KCNMA1: variants seen among roughly 807,000 people sequenced by gnomAD.
KCNMA1 encodes the protein potassium calcium-activated channel subfamily M alpha 1, also known as Calcium-activated potassium channel subunit alpha-1.
Under a neutral mutation model 140.0 loss-of-function variants are expected in KCNMA1, and 29 were observed. The observed-to-expected ratio is 0.21, with a 90% CI of 0.15 to 0.28. The LOEUF (loss-of-function observed/expected upper bound fraction) is 0.28, where lower values mean the gene tolerates loss of function less well. KCNMA1 is among the 10% of genes least tolerant of loss of function. KCNMA1 has a pLI of 1.00. For synonymous variants in KCNMA1, 612 were observed against 611.9 expected (o/e 1.00, Z 0.00); for missense variants, 880 against 1,602.2 (o/e 0.55, Z 7.70).
chr10:77,618,597 G>A lies in KCNMA1; in HGVS notation c.378+18668C>T, dbSNP rs539679532. Among the ~76,000 whole-genome samples, 13 of 152,284 alleles carry A rather than the reference G, an allele frequency of 8.5e-5. No homozygotes were observed. In the East Asian group the frequency reaches 1.7e-3, roughly 20 times the overall value. On this transcript the variant is annotated intron_variant, in intron 1 of 27. Coordinates refer to ENST00000286628, the MANE Select transcript of KCNMA1 (RefSeq NM_001161352.2). ...GTGCTCATAGCTACTGGTTCTTCAGGAGAACAGGAAAGAGCATGGTCTCAA... is the reference window on the plus strand; with the variant it reads ...GTGCTCATAGCTACTGGTTCTTCAGAAGAACAGGAAAGAGCATGGTCTCAA...
chr10:77,534,262 T>C (rs190319915), intron 1 of KCNMA1, among the ~76,000 whole-genome samples: 4 of 152,184 alleles, frequency 2.6e-5, no homozygotes, highest in Non-Finnish European at 5.9e-5. Context: ...CTAGAGAAAT[T>C]ATGGTGCAGC....
intron 1 of KCNMA1, among the ~76,000 whole-genome samples, chr10:77,434,942 T>G (rs1415664708): frequency 6.6e-6 from 1 of 152,192 alleles, no homozygotes; most frequent in Non-Finnish European, 1.5e-5. Context: ...TGGAGTCAAA[T>G]TTTTTAACTA....
At chr10:77,634,020 G>A (rs918867132) in intron 1 of KCNMA1, 11 of 365,774 alleles carry the variant, frequency 3.0e-5, no homozygotes, top group African/African-American at 4.4e-5. Flanking sequence ...CTCCTATATC[G>A]AATCACAGAG....
chr10:77,537,236 A>AC (rs2059105813), intron 1 of KCNMA1, among the ~76,000 whole-genome samples: 1 of 150,684 alleles, frequency 6.6e-6, no homozygotes, highest in Non-Finnish European at 1.5e-5. Context: ...CTTCCCCTCC[A>AC]CCCCCCTGCT....
At chr10:77,076,425 T>A (rs1242296347) in intron 13 of KCNMA1, among the ~76,000 whole-genome samples, 1 of 152,206 alleles carries the variant, frequency 6.6e-6, no homozygotes, top group African/African-American at 2.4e-5. Flanking sequence ...AAAGCGTTTC[T>A]CTCCAAGAAT....
At chr10:77,215,744 G>T (rs2154181076) in intron 3 of KCNMA1, among the ~76,000 whole-genome samples, 1 of 152,264 alleles carries the variant, frequency 6.6e-6, no homozygotes. Flanking sequence ...CAGTGTTATG[G>T]CATTTGGAGG....
intron 3 of KCNMA1, among the ~76,000 whole-genome samples, chr10:77,186,604 TG>T (rs899202141): frequency 1.3e-5 from 2 of 152,204 alleles, no homozygotes; most frequent in Middle Eastern, 3.4e-3. Context: ...TCTCAGGCCA[TG>T]GGGGTGCTTG....
At chr10:77,233,280 TA>T (rs1257560431) in intron 3 of KCNMA1, among the ~76,000 whole-genome samples, 1 of 152,178 alleles carries the variant, frequency 6.6e-6, no homozygotes, top group African/African-American at 2.4e-5. Context: ...TTACTCTTTC[TA>T]AAGTAATAGC....
chr10:76,891,349 CA>C, intron 26 of KCNMA1, 175 bp downstream of exon 26: 1 of 655,810 alleles, frequency 1.5e-6, no homozygotes, highest in South Asian at 1.7e-5. Context: ...AATGACTATG[CA>C]TAGAGCAAAG....
intron 1 of KCNMA1, chr10:77,636,179 A>G: frequency 7.0e-7 from 1 of 1,420,144 alleles, no homozygotes; most frequent in Non-Finnish European, 9.2e-7. Context: ...ACTCAGAAAG[A>G]AGGCAGCTGG....
chr10:77,327,906 A>C (rs1236098496), intron 2 of KCNMA1, among the ~76,000 whole-genome samples: 1 of 152,196 alleles, frequency 6.6e-6, no homozygotes, highest in African/African-American at 2.4e-5. Context: ...TTTTATGTCA[A>C]CACAACCCCA....
chr10:77,237,913 C>T (rs180871593), intron 3 of KCNMA1, among the ~76,000 whole-genome samples: 8 of 152,278 alleles, frequency 5.3e-5, no homozygotes, highest in Admixed American at 3.3e-4. Context: ...ACCTTCTACC[C>T]GAAGGCAGCG....
intron 1 of KCNMA1, among the ~76,000 whole-genome samples, chr10:77,623,777 G>A (rs1377329545): frequency 6.6e-6 from 1 of 151,824 alleles, no homozygotes; most frequent in East Asian, 1.9e-4. Context: ...TAGTACAGAA[G>A]AAACAAAATG....
At chr10:76,908,507 G>A (rs2048733618) in intron 25 of KCNMA1, among the ~76,000 whole-genome samples, 1 of 152,204 alleles carries the variant, frequency 6.6e-6, no homozygotes, top group Admixed American at 6.5e-5. Flanking sequence ...ACAATGTTCA[G>A]GCATACAGAA....
At chr10:77,122,562 A>T (rs2097637628) in intron 5 of KCNMA1, among the ~76,000 whole-genome samples, 1 of 152,122 alleles carries the variant, frequency 6.6e-6, no homozygotes, top group South Asian at 2.1e-4. Context: ...GGGAGAAAAA[A>T]AAAAGATGAA....
intron 1 of KCNMA1, among the ~76,000 whole-genome samples, chr10:77,482,345 T>C (rs538329371): frequency 7.8e-4 from 118 of 152,178 alleles, no homozygotes; most frequent in African/African-American, 2.8e-3. Context: ...ACTTTGTAAG[T>C]TTGCAAGAGA....
At chr10:77,355,002 C>T (rs924319417) in intron 2 of KCNMA1, among the ~76,000 whole-genome samples, 2 of 152,182 alleles carry the variant, frequency 1.3e-5, no homozygotes, top group Non-Finnish European at 2.9e-5. Context: ...ATTGTATTCC[C>T]ATAATTCCCA....
chr10:76,900,910 A>G (rs1003265187), intron 25 of KCNMA1, among the ~76,000 whole-genome samples: 1 of 141,686 alleles, frequency 7.1e-6, no homozygotes, highest in Non-Finnish European at 1.6e-5. Context: ...AAAAAAAAAA[A>G]CCCAGTACAT....
chr10:77,550,668 G>A (rs117759547), intron 1 of KCNMA1, among the ~76,000 whole-genome samples: 1 of 152,326 alleles, frequency 6.6e-6, no homozygotes, highest in East Asian at 1.9e-4. Context: ...AGCAAGGCTT[G>A]GGGGAGTGGC....
Sources: allele counts gnomAD v4.1 joint callset (sites outside exome capture counted in the v4.1 genomes callset), GRCh38; gene constraint gnomAD v4.1.1; transcripts MANE v1.5; gene names NCBI Gene and HGNC (gene_info 2026-07-23, HGNC 2026-07-21).